The following GALNT17 variants were observed in gnomAD, a reference collection of about 807,000 sequenced individuals.
GALNT17 encodes the protein polypeptide N-acetylgalactosaminyltransferase 17, also known as UDP-GalNAc:polypeptide N-acetylgalactosaminyltransferase-like 3.
GALNT17 carries 29 observed loss-of-function variants against 63.7 expected under a neutral mutation model. The ratio of observed to expected loss-of-function variants is 0.46; its 90% CI spans 0.34 to 0.62. The LOEUF is 0.62. Among genes scored for constraint, GALNT17 ranks in the 20% least tolerant of loss-of-function variants. The pLI is 0.01. For missense variants in GALNT17, 603 were observed against 799.6 expected, an observed-to-expected ratio of 0.75 and a Z score of 2.97; for synonymous variants, 305 against 318.3, an observed-to-expected ratio of 0.96 and a Z score of 0.45.
At chr7:71,381,899 A>G (rs1368410025) in intron 2 of GALNT17, among the ~76,000 whole-genome samples, 1 of 152,164 alleles carries the variant, frequency 6.6e-6, no homozygotes, top group Admixed American at 6.5e-5. Flanking sequence ...TGTGTAAGAA[A>G]AGGGGAGAAG....
chr7:71,413,599 C>G (rs1327937741), intron 3 of GALNT17, among the ~76,000 whole-genome samples: 1 of 151,698 alleles, frequency 6.6e-6, no homozygotes, highest in Admixed American at 6.6e-5. Flanking sequence ...GTCTCAAACT[C>G]CTGATCTCAG....
intron 1 of GALNT17, among the ~76,000 whole-genome samples, chr7:71,298,500 C>T (rs185186576): frequency 2.0e-5 from 3 of 152,174 alleles, no homozygotes; most frequent in South Asian, 2.1e-4. Flanking sequence ...GGCATGGACG[C>T]GAGTCTTACA....
intron 5 of GALNT17, among the ~76,000 whole-genome samples, chr7:71,464,803 C>T (rs1204638936): frequency 6.6e-6 from 1 of 151,864 alleles, no homozygotes; most frequent in Non-Finnish European, 1.5e-5. Flanking sequence ...TGTCTGTTTC[C>T]CTTGTCTAGT....
At chr7:71,389,589 G>T (rs889961926) in intron 3 of GALNT17, among the ~76,000 whole-genome samples, 3 of 152,100 alleles carry the variant, frequency 2.0e-5, no homozygotes, top group Non-Finnish European at 4.4e-5. Flanking sequence ...CGCTGCTCTA[G>T]GGCTCATAAG....
At chr7:71,671,071 G>A (rs1252057685) in intron 8 of GALNT17, among the ~76,000 whole-genome samples, 4 of 149,614 alleles carry the variant, frequency 2.7e-5, no homozygotes, top group Admixed American at 6.6e-5. Flanking sequence ...ATTAATGGCC[G>A]CACATGGTTC....
intron 1 of GALNT17, among the ~76,000 whole-genome samples, chr7:71,168,817 C>T (rs1301414433): frequency 6.6e-6 from 1 of 151,880 alleles, no homozygotes; most frequent in Admixed American, 6.6e-5. Context: ...GTTTTGATTG[C>T]TTTAGGTCCT....
At chr7:71,214,252 T>C (rs2116400201) in intron 1 of GALNT17, among the ~76,000 whole-genome samples, 1 of 152,356 alleles carries the variant, frequency 6.6e-6, no homozygotes, top group East Asian at 1.9e-4. Context: ...TAGGTCCTTC[T>C]GTTGCAGGTG....
chr7:71,469,159 T>C (rs559456767), intron 5 of GALNT17, among the ~76,000 whole-genome samples: 1 of 152,160 alleles, frequency 6.6e-6, no homozygotes, highest in African/African-American at 2.4e-5. Flanking sequence ...GTGGGGTATG[T>C]GAAGGTTCTA....
chr7:71,195,504 C>T (rs1052433516), intron 1 of GALNT17, among the ~76,000 whole-genome samples: 1 of 152,078 alleles, frequency 6.6e-6, no homozygotes, highest in African/African-American at 2.4e-5. Context: ...ACCTGAGTCT[C>T]CTATAGCTGG....
intron 6 of GALNT17, among the ~76,000 whole-genome samples, chr7:71,628,801 A>C (rs1238236547): frequency 6.6e-6 from 1 of 152,020 alleles, no homozygotes; most frequent in Non-Finnish European, 1.5e-5. Context: ...GTGTGGTGGC[A>C]AACGCCTGTA....
chr7:71,351,339 G>T (rs1171432584), intron 2 of GALNT17, among the ~76,000 whole-genome samples: 3 of 152,112 alleles, frequency 2.0e-5, no homozygotes, highest in Admixed American at 2.0e-4. Context: ...TGTGGGCAAT[G>T]AATCTGGGAT....
intron 5 of GALNT17, among the ~76,000 whole-genome samples, chr7:71,436,582 C>T (rs750671901): frequency 4.0e-5 from 6 of 151,454 alleles, no homozygotes; most frequent in Non-Finnish European, 7.4e-5. Context: ...AGTCAGGGAT[C>T]GTGGCGGGCG....
intron 1 of GALNT17, among the ~76,000 whole-genome samples, chr7:71,320,231 C>T (rs1791579802): frequency 6.6e-6 from 1 of 151,928 alleles, no homozygotes; most frequent in African/African-American, 2.4e-5. Flanking sequence ...TAATGTGCCA[C>T]CTCAGATAAT....
rs995160986 is a variant in GALNT17, at chr7:71,708,636, G to A, written c.1501-2125G>A. ...GTGTATTGCATGATGCTGAGGTTTG[G>A]GGTATGCTTGAAATCGTCACCCAGG... On this transcript the variant is annotated intron_variant, in intron 9 of 10. Transcript: ENST00000333538. Among the ~76,000 whole-genome samples the A allele has an allele frequency of 5.9e-5, 9 of 152,098 alleles. 1 individual carries two copies. In the Middle Eastern group the frequency reaches 9.5e-3, roughly 160 times the overall value.
intron 1 of GALNT17, among the ~76,000 whole-genome samples, chr7:71,265,112 A>T (rs1562957615): frequency 9.0e-5 from 4 of 44,590 alleles, no homozygotes; most frequent in South Asian, 9.2e-4. Flanking sequence ...ATATATATAT[A>T]TATATATTTT....
At chr7:71,532,432 T>C (rs1023903717) in intron 5 of GALNT17, among the ~76,000 whole-genome samples, 1 of 152,128 alleles carries the variant, frequency 6.6e-6, no homozygotes, top group African/African-American at 2.4e-5. Flanking sequence ...ATAAGCACTT[T>C]GTTTAAAGTA....
intron 3 of GALNT17, among the ~76,000 whole-genome samples, chr7:71,402,284 A>G (rs1793255006): frequency 6.6e-6 from 1 of 152,256 alleles, no homozygotes; most frequent in African/African-American, 2.4e-5. Context: ...CTGGGAAACC[A>G]TACTGAATTG....
chr7:71,629,684 A>G (rs1335041948), intron 6 of GALNT17, among the ~76,000 whole-genome samples: 1 of 152,036 alleles, frequency 6.6e-6, no homozygotes, highest in Non-Finnish European at 1.5e-5. Flanking sequence ...AGGTCTTGCT[A>G]TGCTGCCCAT....
At chr7:71,410,110 G>A (rs1310874558) in intron 3 of GALNT17, among the ~76,000 whole-genome samples, 1 of 152,176 alleles carries the variant, frequency 6.6e-6, no homozygotes, top group Non-Finnish European at 1.5e-5. Flanking sequence ...CTGTAATCTT[G>A]TAACAGGGTC....
Sources: gnomAD v4.1 joint callset for allele counts (sites outside exome capture counted in the v4.1 genomes callset) on GRCh38, gnomAD v4.1.1 for gene constraint, MANE v1.5 for transcripts, NCBI Gene and HGNC (gene_info 2026-07-23, HGNC 2026-07-21) for gene names.